IL1RAPL1: variants seen among roughly 807,000 people sequenced by gnomAD.
The protein encoded by IL1RAPL1 is interleukin 1 receptor accessory protein like 1.
Under a neutral mutation model 48.4 loss-of-function variants are expected in IL1RAPL1, and 3 were observed. The ratio of observed to expected loss-of-function variants is 0.06; its 90% CI spans 0.03 to 0.16. The LOEUF (loss-of-function observed/expected upper bound fraction) is 0.16, where lower values mean the gene tolerates loss of function less well. IL1RAPL1 is among the 10% of genes least tolerant of loss of function. IL1RAPL1 has a pLI of 1.00. For synonymous variants in IL1RAPL1, 185 were observed against 187.7 expected (o/e 0.99, Z 0.12); for missense variants, 349 against 530.6 (o/e 0.66, Z 3.36).
intron 6 of IL1RAPL1, among the ~76,000 whole-genome samples, chrX:29,830,169 T>C (rs1930839922): frequency 9.0e-6 from 1 of 111,696 alleles, no homozygotes; most frequent in South Asian, 3.7e-4. Context: ...TAGCCAAAAT[T>C]AGAAAAAGAA....
intron 6 of IL1RAPL1, among the ~76,000 whole-genome samples, chrX:29,766,697 T>TATATAAATATAA (rs1555918216): frequency 2.3e-5 from 2 of 87,997 alleles, no homozygotes; most frequent in Admixed American, 2.8e-4. Context: ...TATATATTAA[T>TATATAAATATAA]ATATAATATA....
At chrX:29,919,547 TTTC>T (rs1163569934) in intron 7 of IL1RAPL1, among the ~76,000 whole-genome samples, 1 of 112,401 alleles carries the variant, frequency 8.9e-6, no homozygotes, top group Admixed American at 9.4e-5. Context: ...GCTCAGAAAT[TTTC>T]TTTTCTTTTT....
chrX:29,765,533 G>A (rs1417147730), intron 6 of IL1RAPL1, among the ~76,000 whole-genome samples: 3 of 111,587 alleles, frequency 2.7e-5, no homozygotes, highest in African/African-American at 6.5e-5. Flanking sequence ...GGCTAATGTA[G>A]AACTATTCTG....
chrX:28,743,017 C>T (rs1049053689), intron 1 of IL1RAPL1, among the ~76,000 whole-genome samples: 1 of 111,483 alleles, frequency 9.0e-6, no homozygotes, highest in African/African-American at 3.3e-5. Context: ...AAATATTATT[C>T]CTGAAAAGAA....
At chrX:28,994,256 C>A (rs752266048) in intron 2 of IL1RAPL1, among the ~76,000 whole-genome samples, 2 of 111,166 alleles carry the variant, frequency 1.8e-5, no homozygotes, top group South Asian at 7.6e-4. Flanking sequence ...GGAAAGACCT[C>A]TTTGATTAAG....
chrX:29,653,944 T>A (rs777817479), intron 5 of IL1RAPL1, among the ~76,000 whole-genome samples: 107 of 70,595 alleles, frequency 1.5e-3, no homozygotes, highest in Admixed American at 2.8e-3. Context: ...TTATTTATTT[T>A]TTGGCTGTAT....
chrX:28,704,572 G>T (rs1406463690), intron 1 of IL1RAPL1, among the ~76,000 whole-genome samples: 1 of 107,840 alleles, frequency 9.3e-6, no homozygotes, highest in African/African-American at 3.4e-5. Flanking sequence ...ATTCAAGCGG[G>T]TAAGTAGATC....
chrX:28,758,331 G>A (rs1011054980), intron 1 of IL1RAPL1, among the ~76,000 whole-genome samples: 15 of 111,606 alleles, frequency 1.3e-4, no homozygotes, highest in African/African-American at 4.6e-4. Context: ...AGAGAGAAAT[G>A]GAAAAATACA....
intron 5 of IL1RAPL1, among the ~76,000 whole-genome samples, chrX:29,443,406 C>T (rs1218752751): frequency 9.0e-6 from 1 of 111,436 alleles, no homozygotes; most frequent in Non-Finnish European, 1.9e-5. Context: ...CAAATGGCAA[C>T]ATTATGACCA....
chrX:29,870,180 A>G (rs1931772152), intron 6 of IL1RAPL1, among the ~76,000 whole-genome samples: 1 of 112,693 alleles, frequency 8.9e-6, no homozygotes, highest in African/African-American at 3.2e-5. Flanking sequence ...ATTGCCAAAG[A>G]CAGAGAAATG....
At chrX:28,786,134 G>A (rs185841075) in intron 1 of IL1RAPL1, among the ~76,000 whole-genome samples, 8 of 111,384 alleles carry the variant, frequency 7.2e-5, no homozygotes, top group African/African-American at 2.3e-4. Flanking sequence ...GAATTAATTG[G>A]TAGTACTTAC....
intron 2 of IL1RAPL1, among the ~76,000 whole-genome samples, chrX:28,805,660 A>G (rs1315508086): frequency 9.0e-6 from 1 of 111,246 alleles, no homozygotes; most frequent in East Asian, 2.8e-4. Flanking sequence ...ATCCACTCAA[A>G]TATACACACA....
At chrX:29,601,673 CTT>C (rs1271602228) in intron 5 of IL1RAPL1, among the ~76,000 whole-genome samples, 1 of 111,926 alleles carries the variant, frequency 8.9e-6, no homozygotes, top group Non-Finnish European at 1.9e-5. Context: ...TGCTAGGAGT[CTT>C]AAAAAAATGA....
intron 2 of IL1RAPL1, among the ~76,000 whole-genome samples, chrX:28,850,938 G>A (rs1356220731): frequency 9.6e-6 from 1 of 104,315 alleles, no homozygotes; most frequent in Non-Finnish European, 1.9e-5. Flanking sequence ...CCGCCAACCA[G>A]TATGGAAAAG....
intron 2 of IL1RAPL1, among the ~76,000 whole-genome samples, chrX:29,144,305 G>A (rs1193936082): frequency 1.8e-5 from 2 of 110,810 alleles, no homozygotes; most frequent in Non-Finnish European, 3.8e-5. Context: ...TTTAAAGGTA[G>A]GAAAATAAAG....
At chrX:29,307,722 T>G (rs1932647327) in intron 3 of IL1RAPL1, among the ~76,000 whole-genome samples, 1 of 112,243 alleles carries the variant, frequency 8.9e-6, no homozygotes, top group Non-Finnish European at 1.9e-5. Context: ...CTTATTGCAC[T>G]GAATGTAAGA....
At chrX:28,650,358 G>A (rs1436493065) in intron 1 of IL1RAPL1, among the ~76,000 whole-genome samples, 1 of 111,239 alleles carries the variant, frequency 9.0e-6, no homozygotes, top group Non-Finnish European at 1.9e-5. Flanking sequence ...GAGGCAAGGA[G>A]GAACAAGTCA....
intron 5 of IL1RAPL1, among the ~76,000 whole-genome samples, chrX:29,623,009 G>A (rs1482386732): frequency 1.8e-5 from 2 of 108,942 alleles, no homozygotes; most frequent in African/African-American, 6.7e-5. Context: ...GGTGGCTCAC[G>A]CCTGTAATCC....
chrX:29,007,547 T>A lies in IL1RAPL1; in HGVS notation c.82+218122T>A, dbSNP rs938693428. Among the ~76,000 whole-genome samples the A allele has an allele frequency of 2.7e-5, 3 of 112,078 alleles. No homozygotes were observed. In the Admixed American group the frequency reaches 2.8e-4, roughly 11 times the overall value. ...TAAAAATAAAGCTGGATAACATTGATAAAACCATGAGTTCAGTTTTTTGGA... is the reference window on the plus strand; with the variant it reads ...TAAAAATAAAGCTGGATAACATTGAAAAAACCATGAGTTCAGTTTTTTGGA... On this transcript the variant is annotated intron_variant, in intron 2 of 10. Transcript: ENST00000378993.
Sources: gnomAD v4.1 joint callset for allele counts (sites outside exome capture counted in the v4.1 genomes callset) on GRCh38, gnomAD v4.1.1 for gene constraint, MANE v1.5 for transcripts, NCBI Gene and HGNC (gene_info 2026-07-23, HGNC 2026-07-21) for gene names.